Variants in MAGEA11 observed in about 807,000 individuals in gnomAD.
MAGEA11 encodes the protein MAGE family member A11, also known as melanoma-associated antigen 11.
Under a neutral mutation model 8.4 loss-of-function variants are expected in MAGEA11, and 1 was observed. The observed-to-expected ratio is 0.12, with a 90% CI of 0.04 to 0.57. The LOEUF (loss-of-function observed/expected upper bound fraction) is 0.57. Among genes scored for constraint, MAGEA11 ranks in the 20% least tolerant of loss-of-function variants. The pLI is 0.91. For missense variants in MAGEA11, 209 were observed against 317.3 expected (o/e 0.66, Z 2.59); for synonymous variants, 127 against 119.3 (o/e 1.06, Z -0.42).
chrX:149,714,321 G>A, intron 2 of MAGEA11, 160 bp from the exon 3 acceptor site: 1 of 794,730 alleles, frequency 1.3e-6, no homozygotes, highest in East Asian at 3.5e-5. Context: ...TGGGAGTCAA[G>A]GAAGGACAGG....
chrX:149,712,312 G>T (rs1260312700), intron 1 of MAGEA11, 150 bp downstream of exon 1: 13 of 261,896 alleles, frequency 5.0e-5, no homozygotes, highest in Admixed American at 9.2e-5. Flanking sequence ...AGGAGACTCT[G>T]CGAGTCTATG....
intron 1 of MAGEA11, among the ~76,000 whole-genome samples, chrX:149,697,242 C>T (rs782780822): frequency 3.6e-5 from 4 of 110,989 alleles, no homozygotes; most frequent in East Asian, 2.9e-4. Flanking sequence ...CTGACCTCAC[C>T]GCCTCTCTCC....
chrX:149,693,080 T>C (rs2090316863), intron 1 of MAGEA11, among the ~76,000 whole-genome samples: 1 of 112,527 alleles, frequency 8.9e-6, no homozygotes, highest in Admixed American at 9.4e-5. Flanking sequence ...TCACAATTCT[T>C]TTCAAGTATC....
Position 149,716,210 on chromosome X carries a change from C to T in MAGEA11, c.724C>T (p.Leu242=). The part of the protein sequence containing the change: ...LLLRKYRVKG[L]ITKAEMLGSV... ...GCTCCGCAAGTATCGAGTCAAGGGG[C>T]TGATCACAAAGGCAGAAATGCTGGG... The change falls in exon 5 of 5, where the codon CTG becomes TTG. Residue 242 remains leucine, a synonymous_variant. Transcript: ENST00000355220. 8.3e-7 allele frequency: 1 copy of T among 1,211,555 alleles called. No individual in the cohort carries two copies. Among genetic ancestry groups the T allele is most frequent in the Non-Finnish European group, 1.1e-6 (1 of 895,065 alleles).
At chrX:149,691,009 C>T (rs1485947093) in intron 1 of MAGEA11, among the ~76,000 whole-genome samples, 2 of 111,827 alleles carry the variant, frequency 1.8e-5, no homozygotes, top group South Asian at 3.7e-4. Flanking sequence ...CTGCTGTCAT[C>T]GTTATCTTTG....
intron 1 of MAGEA11, among the ~76,000 whole-genome samples, chrX:149,704,380 A>G (rs1557361248): frequency 8.9e-6 from 1 of 112,603 alleles, no homozygotes; most frequent in Non-Finnish European, 1.9e-5. Flanking sequence ...GAAGACATTA[A>G]AGAGTTAAGT....
At chrX:149,700,643 C>T (rs1557360922) in intron 1 of MAGEA11, among the ~76,000 whole-genome samples, 3 of 108,927 alleles carry the variant, frequency 2.8e-5, no homozygotes, top group East Asian at 2.9e-4. Context: ...TATACATGTG[C>T]CATGCTGGTG....
intron 1 of MAGEA11, among the ~76,000 whole-genome samples, chrX:149,698,364 T>G (rs2090338470): frequency 8.9e-6 from 1 of 112,077 alleles, no homozygotes; most frequent in Admixed American, 9.5e-5. Flanking sequence ...TCATAAAAAT[T>G]TTTTAATCAT....
upstream of MAGEA11, chrX:149,688,691 CATATACAT>C: frequency 5.0e-6 from 1 of 201,622 alleles, no homozygotes; most frequent in South Asian, 7.5e-5. Flanking sequence ...TATACATATA[CATATACAT>C]ATACATATAC....
upstream of MAGEA11, among the ~76,000 whole-genome samples, chrX:149,710,989 T>TAAAC (rs1174246755): frequency 1.1e-4 from 12 of 110,861 alleles, no homozygotes; most frequent in Non-Finnish European, 1.3e-4. Context: ...AAGAAAGAAA[T>TAAAC]GTTTAAAATT....
At chrX:149,697,836 G>A (rs1183441437) in intron 1 of MAGEA11, among the ~76,000 whole-genome samples, 1 of 111,578 alleles carries the variant, frequency 9.0e-6, no homozygotes. Flanking sequence ...TGGGCCTGCA[G>A]GTGCATGCTG....
chrX:149,701,507 T>G (rs377130551), intron 1 of MAGEA11, among the ~76,000 whole-genome samples: 15 of 108,795 alleles, frequency 1.4e-4, no homozygotes, highest in African/African-American at 3.7e-4. Context: ...TTTCTCCCAT[T>G]TTGTAGGTTG....
chrX:149,708,185 A>G (rs1485354019), upstream of MAGEA11, among the ~76,000 whole-genome samples: 1 of 112,045 alleles, frequency 8.9e-6, no homozygotes, highest in African/African-American at 3.3e-5. Context: ...GTCATAAATT[A>G]TTTCCCGAGG....
At chrX:149,688,645 T>TATACAC (rs1312370919), upstream of MAGEA11, among the ~76,000 whole-genome samples, 1 of 96,715 alleles carries the variant, frequency 1.0e-5, no homozygotes, top group African/African-American at 4.0e-5. Flanking sequence ...TGTATGTACA[T>TATACAC]ATACATATAC....
At chrX:149,704,048 A>G (rs1360080495) in intron 1 of MAGEA11, among the ~76,000 whole-genome samples, 1 of 112,359 alleles carries the variant, frequency 8.9e-6, no homozygotes, top group Non-Finnish European at 1.9e-5. Context: ...CAACCCACAA[A>G]CAAGGGAGTG....
At chrX:149,688,812 G>C, upstream of MAGEA11, 1 of 349,428 alleles carries the variant, frequency 2.9e-6, no homozygotes, top group Non-Finnish European at 5.4e-6. Context: ...CTTGATCACT[G>C]TAGTAATCCT....
intron 1 of MAGEA11, among the ~76,000 whole-genome samples, chrX:149,691,577 A>C (rs782406634): frequency 8.9e-6 from 1 of 111,755 alleles, no homozygotes; most frequent in Non-Finnish European, 1.9e-5. Flanking sequence ...TATAGCTTAT[A>C]ATGCCTCATA....
chrX:149,713,359 A>G, intron 2 of MAGEA11, 104 bp downstream of exon 2: 1 of 518,019 alleles, frequency 1.9e-6, no homozygotes, highest in South Asian at 3.4e-5. Flanking sequence ...TTGTGGTCTG[A>G]GGAGTGGAGC....
upstream of MAGEA11, among the ~76,000 whole-genome samples, chrX:149,709,202 T>C (rs1420113213): frequency 1.8e-5 from 2 of 109,095 alleles, no homozygotes; most frequent in Non-Finnish European, 3.8e-5. Flanking sequence ...GGAGAATTGC[T>C]TGAACCTGGG....
Sources: allele counts gnomAD v4.1 joint callset (sites outside exome capture counted in the v4.1 genomes callset), GRCh38; gene constraint gnomAD v4.1.1; transcripts MANE v1.5; gene names NCBI Gene and HGNC (gene_info 2026-07-23, HGNC 2026-07-21).